B3GALT1: variants seen among roughly 807,000 people sequenced by gnomAD.
The protein encoded by B3GALT1 is beta-1,3-galactosyltransferase 1.
In B3GALT1, 10 loss-of-function variants were observed where a neutral mutation model predicts 23.2. That is an observed-to-expected ratio of 0.43 (90% CI 0.27 to 0.73). The LOEUF (loss-of-function observed/expected upper bound fraction) is 0.73, where lower values mean the gene tolerates loss of function less well. Ranked by LOEUF, B3GALT1 falls within the 30% of genes least tolerant of loss-of-function variation. The pLI is 0.21. For missense variants in B3GALT1, 299 were observed against 405.4 expected (o/e 0.74, Z 2.25); for synonymous variants, 156 against 141.5 (o/e 1.10, Z -0.73).
At chr2:167,582,566 T>C (rs1684507066) in intron 2 of B3GALT1, among the ~76,000 whole-genome samples, 1 of 152,254 alleles carries the variant, frequency 6.6e-6, no homozygotes, top group African/African-American at 2.4e-5. Context: ...TAGATTTAAC[T>C]GTTTCTTTAA....
At chr2:167,721,195 A>G (rs141710708) in intron 3 of B3GALT1, among the ~76,000 whole-genome samples, 103 of 152,346 alleles carry the variant, frequency 6.8e-4, no homozygotes, top group African/African-American at 2.3e-3. Flanking sequence ...GTGCTAAAGC[A>G]AATACACAGT....
intron 2 of B3GALT1, among the ~76,000 whole-genome samples, chr2:167,629,075 T>C (rs937194476): frequency 6.6e-6 from 1 of 151,676 alleles, no homozygotes; most frequent in African/African-American, 2.4e-5. Context: ...TTATATTGTA[T>C]AGCCAACAGA....
intron 3 of B3GALT1, among the ~76,000 whole-genome samples, chr2:167,806,332 T>A (rs964396298): frequency 6.6e-6 from 1 of 152,166 alleles, no homozygotes; most frequent in Admixed American, 6.5e-5. Context: ...CCTTCTCCTG[T>A]CTGATTGCCC....
At chr2:167,381,216 C>T (rs1279833442) in intron 1 of B3GALT1, among the ~76,000 whole-genome samples, 1 of 152,038 alleles carries the variant, frequency 6.6e-6, no homozygotes, top group Non-Finnish European at 1.5e-5. Context: ...TACAGGTGTG[C>T]ACCACCATGC....
chr2:167,686,337 A>G (rs576526624), intron 3 of B3GALT1, among the ~76,000 whole-genome samples: 1 of 152,248 alleles, frequency 6.6e-6, no homozygotes, highest in South Asian at 2.1e-4. Flanking sequence ...CTAGGCAAAA[A>G]CCTCACCTAT....
At chr2:167,425,360 G>A (rs1698607419) in intron 1 of B3GALT1, among the ~76,000 whole-genome samples, 3 of 152,146 alleles carry the variant, frequency 2.0e-5, no homozygotes, top group African/African-American at 7.2e-5. Context: ...GCAGTGGCAA[G>A]CGACATAAAA....
At chr2:167,461,408 G>C (rs372396459) in intron 1 of B3GALT1, among the ~76,000 whole-genome samples, 10 of 152,224 alleles carry the variant, frequency 6.6e-5, no homozygotes, top group African/African-American at 2.2e-4. Context: ...CAGTGCAATT[G>C]TTTTCTAGGT....
At chr2:167,444,291 G>A (rs763927494) in intron 1 of B3GALT1, among the ~76,000 whole-genome samples, 31 of 152,144 alleles carry the variant, frequency 2.0e-4, no homozygotes, top group Non-Finnish European at 3.7e-4. Context: ...GAGGATTTTT[G>A]CATTGATGGT....
At chr2:167,650,285 A>C (rs1311082144) in intron 3 of B3GALT1, among the ~76,000 whole-genome samples, 1 of 148,994 alleles carries the variant, frequency 6.7e-6, no homozygotes. Flanking sequence ...GTGGTTCAAC[A>C]AAAGAAACCA....
At chr2:167,619,640 A>G (rs995700753) in intron 2 of B3GALT1, among the ~76,000 whole-genome samples, 1 of 152,156 alleles carries the variant, frequency 6.6e-6, no homozygotes. Flanking sequence ...TTAATAAACT[A>G]GCATCTCTCA....
intron 4 of B3GALT1, among the ~76,000 whole-genome samples, chr2:167,833,916 T>C (rs1177603781): frequency 6.6e-6 from 1 of 152,172 alleles, no homozygotes; most frequent in African/African-American, 2.4e-5. Flanking sequence ...CTAAATTATC[T>C]CTAAGACTAC....
At chr2:167,347,512 G>T (rs1171502617) in intron 1 of B3GALT1, among the ~76,000 whole-genome samples, 2 of 152,164 alleles carry the variant, frequency 1.3e-5, no homozygotes, top group Non-Finnish European at 2.9e-5. Context: ...GAAATTGTGT[G>T]AGGTTCTGCA....
rs941823548 is a variant in B3GALT1, at chr2:167,873,730, A to C, written c.*3710A>C. ...GATTGTATTTATGTATTTATTTGTC[A>C]AAATTGTACATACTGTTTCGCCAAA... On this transcript the variant is annotated 3_prime_UTR_variant, in exon 5 of 5. Transcript: ENST00000392690. 2.0e-5 allele frequency: 3 copies of C among 152,240 alleles called. No homozygotes were observed. The highest frequency in any genetic ancestry group is 7.2e-5 in the African/African-American group (3 of 41,472). The allele number at this position is 152,240 out of a possible 1,614,324, so 9.4% of individuals were successfully genotyped here. A position where few individuals can be genotyped will look rare whatever the true frequency, so the allele number is the denominator to read the frequency against.
chr2:167,810,919 A>T (rs1688875705), intron 3 of B3GALT1, among the ~76,000 whole-genome samples: 2 of 152,226 alleles, frequency 1.3e-5, no homozygotes, highest in South Asian at 2.1e-4. Context: ...AAGCAGGAGG[A>T]TGTAGCTCAT....
intron 3 of B3GALT1, among the ~76,000 whole-genome samples, chr2:167,786,447 G>A (rs556601406): frequency 1.4e-4 from 22 of 152,186 alleles, no homozygotes; most frequent in South Asian, 4.2e-4. Context: ...CCCTTATTCC[G>A]AGCTTACTTA....
intron 1 of B3GALT1, among the ~76,000 whole-genome samples, chr2:167,388,679 T>C (rs1370905117): frequency 6.6e-6 from 1 of 152,116 alleles, no homozygotes; most frequent in Admixed American, 6.5e-5. Context: ...TGGGGAGTTT[T>C]GAAAAAAAGA....
chr2:167,318,787 A>G (rs1696758854), intron 1 of B3GALT1, among the ~76,000 whole-genome samples: 1 of 152,032 alleles, frequency 6.6e-6, no homozygotes, highest in Admixed American at 6.6e-5. Flanking sequence ...AGAAATGTTC[A>G]GCTGCTGTGG....
At chr2:167,744,003 G>A (rs1161533867) in intron 3 of B3GALT1, among the ~76,000 whole-genome samples, 1 of 151,978 alleles carries the variant, frequency 6.6e-6, no homozygotes, top group Non-Finnish European at 1.5e-5. Context: ...CACTAAAAAG[G>A]TTTTGATTTA....
At chr2:167,625,759 C>T (rs1367516715) in intron 2 of B3GALT1, among the ~76,000 whole-genome samples, 6 of 151,216 alleles carry the variant, frequency 4.0e-5, no homozygotes, top group African/African-American at 1.5e-4. Context: ...GCTTTTGTTT[C>T]TGTCCCCCCC....
Sources: allele counts gnomAD v4.1 joint callset (sites outside exome capture counted in the v4.1 genomes callset), GRCh38; gene constraint gnomAD v4.1.1; transcripts MANE v1.5; gene names NCBI Gene and HGNC (gene_info 2026-07-23, HGNC 2026-07-21).